Variants in MXI1 observed in about 807,000 individuals in gnomAD.
MXI1 encodes the protein max-interacting protein 1.
MXI1 carries 18 observed loss-of-function variants against 36.9 expected under a neutral mutation model. The observed-to-expected ratio is 0.49, with a 90% CI of 0.34 to 0.72. The LOEUF is 0.72. Ranked by LOEUF, MXI1 falls within the 30% of genes least tolerant of loss-of-function variation. MXI1 has a pLI of 0.01. For missense variants in MXI1, 304 were observed against 379.1 expected (o/e 0.80, Z 1.64); for synonymous variants, 160 against 146.7 (o/e 1.09, Z -0.65).
chr10:110,212,013 G>A (rs1216611373), intron 1 of MXI1, among the ~76,000 whole-genome samples: 1 of 152,184 alleles, frequency 6.6e-6, no homozygotes, highest in Non-Finnish European at 1.5e-5. Flanking sequence ...TAAAAGAGAA[G>A]AACAGATCCA....
chr10:110,236,999 T>G (rs1370551426), intron 2 of MXI1, among the ~76,000 whole-genome samples: 1 of 152,248 alleles, frequency 6.6e-6, no homozygotes, highest in Admixed American at 6.5e-5. Context: ...ACACATACTT[T>G]ATTAAATTTT....
Position 110,265,214 on chromosome 10 carries a change from G to A in MXI1, c.438-13966G>A, listed in dbSNP as rs200599906. 2.2e-3 allele frequency among the ~76,000 whole-genome samples: 329 copies of A among 152,260 alleles called. 11 individuals are homozygous for A. The East Asian group carries it at 0.047, about 22-fold the overall frequency. On this transcript the variant is annotated intron_variant, in intron 3 of 5. Transcript: ENST00000332674. ...ATAGTTAAGAATTGTTTATCTTTTA[G>A]CAACAGTTTTACTATATTCAATAAA...
intron 1 of MXI1, among the ~76,000 whole-genome samples, chr10:110,219,683 C>T (rs1463608922): frequency 6.6e-6 from 1 of 152,246 alleles, no homozygotes; most frequent in Non-Finnish European, 1.5e-5. Context: ...TCACAATTTA[C>T]ACTTACTCTA....
chr10:110,276,195 C>T (rs967234049), intron 3 of MXI1, among the ~76,000 whole-genome samples: 2 of 152,106 alleles, frequency 1.3e-5, no homozygotes, highest in African/African-American at 4.8e-5. Context: ...AATTTAGGTC[C>T]TTTACTTTTT....
At chr10:110,208,526 T>G (rs1421991535) in intron 1 of MXI1, 1 of 153,344 alleles carries the variant, frequency 6.5e-6, no homozygotes, top group African/African-American at 2.5e-5. Flanking sequence ...TTGGAAACCA[T>G]AGGCAGAGCT....
At chr10:110,240,747 A>C (rs982267084) in intron 2 of MXI1, among the ~76,000 whole-genome samples, 3 of 152,028 alleles carry the variant, frequency 2.0e-5, no homozygotes, top group African/African-American at 7.2e-5. Flanking sequence ...GATACCAGTT[A>C]GTTAGAATTT....
intron 1 of MXI1, among the ~76,000 whole-genome samples, chr10:110,212,939 T>A (rs1854545653): frequency 6.6e-6 from 1 of 152,270 alleles, no homozygotes; most frequent in South Asian, 2.1e-4. Flanking sequence ...CAATGCATGT[T>A]ACCCATTGCA....
At chr10:110,271,284 T>C (rs942872316) in intron 3 of MXI1, among the ~76,000 whole-genome samples, 2 of 152,196 alleles carry the variant, frequency 1.3e-5, no homozygotes, top group African/African-American at 4.8e-5. Context: ...TGGCATCTGA[T>C]TATACTGTTT....
intron 2 of MXI1, among the ~76,000 whole-genome samples, chr10:110,238,860 G>A (rs1227873072): frequency 6.6e-6 from 1 of 152,032 alleles, no homozygotes; most frequent in Non-Finnish European, 1.5e-5. Flanking sequence ...GACAATTATT[G>A]GCATAAAGTT....
chr10:110,234,069 T>G (rs1855370448), intron 2 of MXI1, among the ~76,000 whole-genome samples: 1 of 152,174 alleles, frequency 6.6e-6, no homozygotes, highest in African/African-American at 2.4e-5. Context: ...GGCTTAGAGA[T>G]GGTGATTGCT....
intron 3 of MXI1, among the ~76,000 whole-genome samples, chr10:110,246,959 A>G (rs1855888757): frequency 6.6e-6 from 1 of 152,194 alleles, no homozygotes; most frequent in Non-Finnish European, 1.5e-5. Context: ...ATTAGATCAT[A>G]GAGTATGTTT....
chr10:110,248,135 A>G (rs1468891612), intron 3 of MXI1, among the ~76,000 whole-genome samples: 1 of 152,180 alleles, frequency 6.6e-6, no homozygotes, highest in Non-Finnish European at 1.5e-5. Flanking sequence ...CATAGGTGGG[A>G]ATTGAACAAT....
At chr10:110,250,797 A>G (rs181203785) in intron 3 of MXI1, among the ~76,000 whole-genome samples, 1 of 148,838 alleles carries the variant, frequency 6.7e-6, no homozygotes, top group Non-Finnish European at 1.5e-5. Context: ...ACACCACTGC[A>G]TTCCAGCCTC....
Position 110,208,030 on chromosome 10 carries a change from G to C in MXI1, c.222G>C (p.Gln74His), listed in dbSNP as rs1457274750. Residue 74 changes from glutamine (Q) to histidine (H), a missense_variant, in exon 1 of 6, where the codon CAG (glutamine) becomes CAC (histidine). Physicochemically the swap from Gln to His is conservative, Grantham distance 24. Around this residue, in one of 2 missense-constraint regions of MXI1, gnomAD observed 179 missense variants for 184.8 expected, o/e 0.97. Coordinates refer to ENST00000332674, the MANE Select transcript of MXI1 (RefSeq NM_130439.3). ...KHINTFLQNVQILLEAASYLE... is the reference protein window; with the variant it reads ...KHINTFLQNVHILLEAASYLE... ...TCAACACTTTTCTGCAGAACGTGCA[G>C]ATTCTGCTCGAGGCCGCCAGCTACC... The C allele has an allele frequency of 1.2e-6, 2 of 1,603,978 alleles. No homozygotes were observed. The highest frequency in any genetic ancestry group is 1.7e-6 in the Non-Finnish European group (2 of 1,175,350).
At chr10:110,230,806 A>G (rs1855230678) in intron 2 of MXI1, among the ~76,000 whole-genome samples, 1 of 152,254 alleles carries the variant, frequency 6.6e-6, no homozygotes, top group African/African-American at 2.4e-5. Flanking sequence ...ATAAAGCAGA[A>G]AGTTAGAAGA....
intron 2 of MXI1, among the ~76,000 whole-genome samples, chr10:110,234,897 A>C (rs1018250135): frequency 1.3e-5 from 2 of 152,224 alleles, no homozygotes; most frequent in Non-Finnish European, 2.9e-5. Context: ...TTTAGAATGT[A>C]TAAGATGCTT....
intron 2 of MXI1, among the ~76,000 whole-genome samples, chr10:110,240,787 G>T (rs1855644577): frequency 6.6e-6 from 1 of 152,006 alleles, no homozygotes; most frequent in African/African-American, 2.4e-5. Flanking sequence ...TTTTCATTGT[G>T]TGGAGGGCAA....
At chr10:110,277,127 C>A (rs1857063484) in intron 3 of MXI1, among the ~76,000 whole-genome samples, 1 of 152,098 alleles carries the variant, frequency 6.6e-6, no homozygotes, top group Non-Finnish European at 1.5e-5. Flanking sequence ...TAGGCATGAG[C>A]CACCATGCCC....
At chr10:110,262,611 C>T (rs1856555739) in intron 3 of MXI1, among the ~76,000 whole-genome samples, 1 of 151,946 alleles carries the variant, frequency 6.6e-6, no homozygotes, top group Non-Finnish European at 1.5e-5. Context: ...TTTTTTGAGC[C>T]ACTTAGTTTA....
Sources: gnomAD v4.1 joint callset for allele counts (sites outside exome capture counted in the v4.1 genomes callset) on GRCh38, gnomAD v4.1.1 for gene constraint, gnomAD v4.1.1 regional missense constraint, MANE v1.5 for transcripts, NCBI Gene and HGNC (gene_info 2026-07-23, HGNC 2026-07-21) for gene names.